LOC128125817: variants seen among roughly 807,000 people sequenced by gnomAD.
At chr1:41,616,672 C>T in the LOC128125817 span, among the ~76,000 whole-genome samples, 2 of 134,036 alleles carry the variant, frequency 1.5e-5, no homozygotes, top group Non-Finnish European at 3.1e-5. Flanking sequence ...AGGCTGGTCT[C>T]AAATTCCTGG....
At chr1:41,609,372 G>A in the LOC128125817 span, among the ~76,000 whole-genome samples, 1 of 152,368 alleles carries the variant, frequency 6.6e-6, no homozygotes, top group East Asian at 1.9e-4. Context: ...TGCCTGGGCA[G>A]CCTAGTAGTT....
the LOC128125817 span, among the ~76,000 whole-genome samples, chr1:41,627,337 G>A: frequency 6.6e-6 from 1 of 152,224 alleles, no homozygotes; most frequent in Non-Finnish European, 1.5e-5. Flanking sequence ...TCTTAAACCA[G>A]TAAGTGCCTC....
chr1:41,613,989 C>G, the LOC128125817 span, among the ~76,000 whole-genome samples: 3,876 of 152,318 alleles, frequency 0.025, 69 homozygotes, highest in Middle Eastern at 0.054. Flanking sequence ...TCAGTGTTTC[C>G]TGGTGTTTCT....
chr1:41,599,182 C>T, the LOC128125817 span, among the ~76,000 whole-genome samples: 7 of 152,170 alleles, frequency 4.6e-5, no homozygotes, highest in South Asian at 2.1e-4. Context: ...CAATAAATGG[C>T]GCTAAAGCTA....
chr1:41,615,635 T>C, the LOC128125817 span, among the ~76,000 whole-genome samples: 1 of 152,092 alleles, frequency 6.6e-6, no homozygotes, highest in Non-Finnish European at 1.5e-5. Flanking sequence ...GAAAAGACTG[T>C]GGGCAGAGAG....
chr1:41,591,495 A>T, the LOC128125817 span, among the ~76,000 whole-genome samples: 1 of 152,240 alleles, frequency 6.6e-6, no homozygotes, highest in Admixed American at 6.5e-5. Context: ...GATACTTTTC[A>T]GATTGAAGGC....
At chr1:41,625,976 A>G in the LOC128125817 span, among the ~76,000 whole-genome samples, 1 of 152,378 alleles carries the variant, frequency 6.6e-6, no homozygotes, top group Admixed American at 6.5e-5. Flanking sequence ...AAAACTGCTC[A>G]AGTTTCTCAT....
the LOC128125817 span, among the ~76,000 whole-genome samples, chr1:41,626,535 A>AC: frequency 2.8e-3 from 432 of 151,920 alleles, 4 homozygotes; most frequent in Non-Finnish European, 2.1e-3. Context: ...TCTGCAGAGG[A>AC]CCCCCCATCT....
chr1:41,611,790 C>T, the LOC128125817 span, among the ~76,000 whole-genome samples: 32 of 152,304 alleles, frequency 2.1e-4, no homozygotes, highest in African/African-American at 4.8e-4. Context: ...GATTCCATAT[C>T]GGAAAAATAT....
the LOC128125817 span, among the ~76,000 whole-genome samples, chr1:41,589,933 G>A: frequency 6.6e-6 from 1 of 152,176 alleles, no homozygotes; most frequent in Admixed American, 6.5e-5. Flanking sequence ...TTTAATACCT[G>A]GGAACCCAGG....
the LOC128125817 span, among the ~76,000 whole-genome samples, chr1:41,624,367 G>A: frequency 6.6e-6 from 1 of 152,192 alleles, no homozygotes; most frequent in Non-Finnish European, 1.5e-5. Context: ...CAGAAAACGA[G>A]CACGTACACA....
the LOC128125817 span, among the ~76,000 whole-genome samples, chr1:41,598,303 C>T: frequency 6.6e-6 from 1 of 152,204 alleles, no homozygotes; most frequent in South Asian, 2.1e-4. Flanking sequence ...CATTTTGTTT[C>T]TATACACGTG....
the LOC128125817 span, among the ~76,000 whole-genome samples, chr1:41,597,829 T>C: frequency 6.6e-6 from 1 of 152,196 alleles, no homozygotes; most frequent in Non-Finnish European, 1.5e-5. Flanking sequence ...CTTGCTTCCA[T>C]TGAGACCAAA....
the LOC128125817 span, among the ~76,000 whole-genome samples, chr1:41,618,668 C>CTAGG: frequency 6.6e-6 from 1 of 152,168 alleles, no homozygotes; most frequent in Admixed American, 6.5e-5. Context: ...CCTGACCACC[C>CTAGG]CAGGCCCCAG....
chr1:41,618,306 C>G, the LOC128125817 span, among the ~76,000 whole-genome samples: 1 of 152,236 alleles, frequency 6.6e-6, no homozygotes, highest in Non-Finnish European at 1.5e-5. Context: ...AGGAGGTTAA[C>G]TCTCCCCAGG....
the LOC128125817 span, among the ~76,000 whole-genome samples, chr1:41,613,833 T>C: frequency 1.3e-5 from 2 of 152,222 alleles, no homozygotes; most frequent in Non-Finnish European, 2.9e-5. Flanking sequence ...CTCCAGCCCC[T>C]GGCAGCCACT....
chr1:41,600,118 G>T, the LOC128125817 span, among the ~76,000 whole-genome samples: 1 of 152,186 alleles, frequency 6.6e-6, no homozygotes, highest in African/African-American at 2.4e-5. Context: ...TCTGCTGGTA[G>T]GAATGTAAAA....
At chr1:41,585,514 C>T in the LOC128125817 span, among the ~76,000 whole-genome samples, 8 of 152,152 alleles carry the variant, frequency 5.3e-5, no homozygotes, top group African/African-American at 1.7e-4. Flanking sequence ...ATTCTTTCCT[C>T]CCCCGCTCCC....
chr1:41,603,905 C>T, the LOC128125817 span, among the ~76,000 whole-genome samples: 5 of 152,088 alleles, frequency 3.3e-5, no homozygotes, highest in Admixed American at 6.5e-5. Flanking sequence ...ATATTCTATC[C>T]GTTATTAAAA....
Sources: allele counts gnomAD v4.1 joint callset (sites outside exome capture counted in the v4.1 genomes callset), GRCh38; gene constraint gnomAD v4.1.1; transcripts MANE v1.5.